GRHL3: variants seen among roughly 807,000 people sequenced by gnomAD.
GRHL3 encodes grainyhead-like protein 3 homolog.
In GRHL3, 20 loss-of-function variants were observed where a neutral mutation model predicts 70.3. The ratio of observed to expected loss-of-function variants is 0.28; its 90% CI spans 0.20 to 0.41. GRHL3 has a LOEUF of 0.41. Among genes scored for constraint, GRHL3 ranks in the 10% least tolerant of loss-of-function variants. The pLI, the probability that GRHL3 is intolerant of heterozygous loss-of-function variation, is 1.00. For missense variants in GRHL3, 637 were observed against 762.3 expected, an observed-to-expected ratio of 0.84 and a Z score of 1.94; for synonymous variants, 299 against 299.9, an observed-to-expected ratio of 1.00 and a Z score of 0.03.
At chr1:24,325,363 C>A (rs768894226) in intron 1 of GRHL3, among the ~76,000 whole-genome samples, 25 of 152,194 alleles carry the variant, frequency 1.6e-4, no homozygotes, top group Non-Finnish European at 2.5e-4. Context: ...TACTGAGTCC[C>A]ATCCTGCCGT....
chr1:24,341,917 G>T (rs114663417), intron 8 of GRHL3, among the ~76,000 whole-genome samples, 198 bp from the exon 9 acceptor site: 2,577 of 152,304 alleles, frequency 0.017, 17 homozygotes, highest in Non-Finnish European at 0.026. Context: ...GTGTCACCTC[G>T]GGAAAGTTGC....
Position 24,354,561 on chromosome 1 carries a change from C to T in GRHL3, c.*73C>T. 1 of 912,840 alleles carries T rather than the reference C, an allele frequency of 1.1e-6. No individual in the cohort carries two copies. The highest frequency in any genetic ancestry group is 1.8e-5 in the Admixed American group (1 of 55,186). The allele number at this position is 912,840 out of a possible 1,614,324, so 56.5% of individuals were successfully genotyped here. A position where few individuals can be genotyped will look rare whatever the true frequency, so the allele number is the denominator to read the frequency against. Reference sequence around the variant, plus strand: ...GACGTGGCCCCACGCCACACACAACCTCTCCACATGCCTCAGCGCTGTTAC... The same window carrying T: ...GACGTGGCCCCACGCCACACACAACTTCTCCACATGCCTCAGCGCTGTTAC... On this transcript the variant is annotated 3_prime_UTR_variant, in exon 16 of 16. Transcript: ENST00000361548.
At chr1:24,339,855 T>C in intron 8 of GRHL3, 93 bp downstream of exon 8, 1 of 758,556 alleles carries the variant, frequency 1.3e-6, no homozygotes, top group Non-Finnish European at 2.2e-6. Flanking sequence ...GATAGTGTCA[T>C]TTGCTCCGAC....
At chr1:24,333,304 A>C (rs1639678315) in intron 2 of GRHL3, among the ~76,000 whole-genome samples, 2 of 152,148 alleles carry the variant, frequency 1.3e-5, no homozygotes, top group Admixed American at 1.3e-4. Context: ...GTCCTGCCAC[A>C]AATCTGGCTT....
rs1639838892 is a variant in GRHL3 at position 24,336,894 on chromosome 1, A to G, written c.612+67A>G. On this transcript the variant is annotated intron_variant, in intron 4 of 15. Coordinates refer to ENST00000361548, the MANE Select transcript of GRHL3 (RefSeq NM_198173.3). Reference sequence around the variant, plus strand: ...GTGCATATACAGAATGAGAGAAGATAGTGAACAGATCAGAGCTTTGGAATC... The same window carrying G: ...GTGCATATACAGAATGAGAGAAGATGGTGAACAGATCAGAGCTTTGGAATC... The G allele has an allele frequency of 2.2e-6, 3 of 1,369,854 alleles. No individual in the cohort carries two copies. The African/African-American group carries it at 4.4e-5, about 20-fold the overall frequency. The allele number at this position is 1,369,854 out of a possible 1,614,324, so 84.9% of individuals were successfully genotyped here.
At chr1:24,361,745 C>T (rs1641134112) in intron 15 of GRHL3, among the ~76,000 whole-genome samples, 1 of 152,172 alleles carries the variant, frequency 6.6e-6, no homozygotes, top group Non-Finnish European at 1.5e-5. Context: ...GAAAGGGAGT[C>T]TATCTTTTAT....
downstream of GRHL3, among the ~76,000 whole-genome samples, chr1:24,356,173 A>T (rs1309177796): frequency 6.6e-6 from 1 of 152,124 alleles, no homozygotes; most frequent in East Asian, 1.9e-4. Flanking sequence ...TGCTGGGATT[A>T]CAGGCGTGAG....
chr1:24,338,151 C>A, intron 7 of GRHL3, 48 bp downstream of exon 7: 1 of 1,260,622 alleles, frequency 7.9e-7, no homozygotes, highest in Non-Finnish European at 1.1e-6. Context: ...TCTCTCCCCA[C>A]CCCCGCATCA....
downstream of GRHL3, among the ~76,000 whole-genome samples, chr1:24,356,712 G>T (rs973071596): frequency 2.6e-4 from 40 of 152,200 alleles, no homozygotes; most frequent in Non-Finnish European, 3.5e-4. Flanking sequence ...CTCACTGGTG[G>T]GTCTCCAAGG....
At chr1:24,330,964 A>G (rs568940823) in intron 1 of GRHL3, among the ~76,000 whole-genome samples, 11 of 152,362 alleles carry the variant, frequency 7.2e-5, no homozygotes, top group Admixed American at 3.9e-4. Context: ...GCTTTCTCCC[A>G]GACTTGAAAT....
rs888205096 is a variant in GRHL3, at chr1:24,338,151, C to T, written c.952+48C>T. 5 of 1,260,510 alleles carry T rather than the reference C, an allele frequency of 4.0e-6. No homozygotes were observed. In the African/African-American group the frequency reaches 7.5e-5, roughly 19 times the overall value. The allele number at this position is 1,260,510 out of a possible 1,614,324, so 78.1% of individuals were successfully genotyped here. A position where few individuals can be genotyped will look rare whatever the true frequency, so the allele number is the denominator to read the frequency against. Reference sequence around the variant, plus strand: ...ATTCCAGCTCCCCTCTCTCTCCCCACCCCCGCATCAATCAGGCCTTTTTCT... The same window carrying T: ...ATTCCAGCTCCCCTCTCTCTCCCCATCCCCGCATCAATCAGGCCTTTTTCT... On this transcript the variant is annotated intron_variant, in intron 7 of 15. Coordinates refer to ENST00000361548, the MANE Select transcript of GRHL3 (RefSeq NM_198173.3).
intron 7 of GRHL3, among the ~76,000 whole-genome samples, chr1:24,338,632 C>A (rs1333528722): frequency 6.6e-6 from 1 of 152,224 alleles, no homozygotes; most frequent in Non-Finnish European, 1.5e-5. Flanking sequence ...GTTTGTTCAA[C>A]TCTCAAATGG....
Position 24,336,689 on chromosome 1 carries a change from C to A in GRHL3, c.474C>A (p.Gly158=). Residue 158 remains glycine, a synonymous_variant, in exon 4 of 16, where the codon GGC becomes GGA. Transcript: ENST00000361548. ...LPAGPSKLEA[G]SVDSYLLPTT... ...CAGGCCCCAGCAAGCTGGAGGCCGG[C>A]TCTGTGGACAGCTACCTGTTACCCA... 6.2e-7 allele frequency: 1 copy of A among 1,614,154 alleles called. No homozygotes were observed. The highest frequency in any genetic ancestry group is 8.5e-7 in the Non-Finnish European group (1 of 1,180,014).
chr1:24,321,259 C>T lies in GRHL3; in HGVS notation c.17+1691C>T, dbSNP rs1327732751. On this transcript the variant is annotated intron_variant, in intron 1 of 15. Transcript: ENST00000361548. The surrounding 1 kb of genome is among the most constrained non-coding windows in gnomAD (Gnocchi z 4.0). ...TGGTTTGGATTTGAAGTCAGATCCG[C>T]TGACAGTTGAGGCTTCTCAGTTTGG... Among the ~76,000 whole-genome samples the T allele has an allele frequency of 6.6e-6, 1 of 152,206 alleles. No homozygotes were observed. The highest frequency in any genetic ancestry group is 2.4e-5 in the African/African-American group (1 of 41,440).
At position 24,346,213 on chromosome 1, in the gene GRHL3, C is replaced by T. The variant is rs374038116; in HGVS notation, c.1455-340C>T. On this transcript the variant is annotated intron_variant, in intron 12 of 15. Coordinates refer to ENST00000361548, the MANE Select transcript of GRHL3 (RefSeq NM_198173.3). ...CCACATTTATTGAGGCCCTCCTGTG[C>T]GTCACAGTGTTCTAAGCGCAGTGAG... is the stretch of plus-strand genomic sequence containing the variant. Among the ~76,000 whole-genome samples, 6 of 151,678 alleles carry T rather than the reference C, an allele frequency of 4.0e-5. No homozygotes were observed. The East Asian group carries it at 5.9e-4, about 15-fold the overall frequency.
At chr1:24,319,815 A>C (rs1639112256) in intron 1 of GRHL3, 11 of 1,237,416 alleles carry the variant, frequency 8.9e-6, no homozygotes, top group Non-Finnish European at 1.2e-5. Context: ...CCAGGCAGGG[A>C]AACACAAGAC....
In GRHL3 at chr1:24,335,257, A is replaced by G. The variant is rs551488747; in HGVS notation, c.266+551A>G. Reference sequence around the variant, plus strand: ...GGGAGACCTGTGTTGGGGGAGGGACATCTGGGTTCCCATACTTCTTCCCCT... The same window carrying G: ...GGGAGACCTGTGTTGGGGGAGGGACGTCTGGGTTCCCATACTTCTTCCCCT... On this transcript the variant is annotated intron_variant, in intron 3 of 15. Coordinates refer to ENST00000361548, the MANE Select transcript of GRHL3 (RefSeq NM_198173.3). Among the ~76,000 whole-genome samples, 15 of 152,306 alleles carry G rather than the reference A, an allele frequency of 9.8e-5. No homozygotes were observed. In the East Asian group the frequency reaches 2.7e-3, roughly 27 times the overall value.
chr1:24,329,387 G>A (rs1040757354), intron 1 of GRHL3, among the ~76,000 whole-genome samples: 2 of 152,158 alleles, frequency 1.3e-5, no homozygotes, highest in African/African-American at 4.8e-5. Context: ...AGGGGTCTCT[G>A]CCCACCCACT....
intron 14 of GRHL3, 141 bp from the exon 15 acceptor site, chr1:24,349,917 G>A (rs1034428927): frequency 3.2e-6 from 2 of 622,888 alleles, no homozygotes; most frequent in East Asian, 2.8e-5. Flanking sequence ...ATAGATGATT[G>A]TAATTTTCTT....
Sources: gnomAD v4.1 joint callset for allele counts (sites outside exome capture counted in the v4.1 genomes callset) on GRCh38, gnomAD v4.1.1 for gene constraint, Gnocchi (gnomAD v3.1) non-coding constraint, MANE v1.5 for transcripts, NCBI Gene and HGNC (gene_info 2026-07-23, HGNC 2026-07-21) for gene names.